The following ABCA13 variants were observed in gnomAD, a reference collection of about 807,000 sequenced individuals.
The protein encoded by ABCA13 is ATP binding cassette subfamily A member 13, also known as ATP-binding cassette sub-family A member 13.
ABCA13 carries 476 observed loss-of-function variants against 478.7 expected under a neutral mutation model. The observed-to-expected ratio is 0.99, with a 90% confidence interval of 0.92 to 1.07. The LOEUF is 1.07. Ranked by LOEUF, ABCA13 falls within the 50% of genes least tolerant of loss-of-function variation. The probability of loss-of-function intolerance (pLI) is 0.00; values close to 1 mark genes in which losing one functional copy is unlikely to be tolerated. For missense variants in ABCA13, 6,060 were observed against 5,910.6 expected, an observed-to-expected ratio of 1.03 and a Z score of -0.83; for synonymous variants, 2,252 against 2,158.9, an observed-to-expected ratio of 1.04 and a Z score of -1.20.
intron 55 of ABCA13, among the ~76,000 whole-genome samples, chr7:48,560,235 A>C (rs1347860884): frequency 6.6e-6 from 1 of 152,144 alleles, no homozygotes; most frequent in Non-Finnish European, 1.5e-5. Flanking sequence ...GGCTGGTCCA[A>C]ATGCTACCTC....
intron 58 of ABCA13, chr7:48,603,827 T>C (rs540689590): frequency 1.3e-5 from 2 of 152,468 alleles, no homozygotes; most frequent in African/African-American, 4.8e-5. Context: ...TTTGTACCTC[T>C]AGTAGAATTT....
intron 55 of ABCA13, among the ~76,000 whole-genome samples, chr7:48,551,603 C>A (rs1047383185): frequency 2.3e-5 from 3 of 129,948 alleles, no homozygotes; most frequent in African/African-American, 9.3e-5. Flanking sequence ...CAAATAAATT[C>A]GTATGTATTG....
chr7:48,305,075 T>C (rs1262939611), intron 23 of ABCA13, among the ~76,000 whole-genome samples: 1 of 152,260 alleles, frequency 6.6e-6, no homozygotes, highest in South Asian at 2.1e-4. Flanking sequence ...ACTGATAGGC[T>C]TCTTAGTAGT....
At chr7:48,607,445 C>T (rs960456613) in intron 58 of ABCA13, among the ~76,000 whole-genome samples, 3 of 152,118 alleles carry the variant, frequency 2.0e-5, no homozygotes, top group Admixed American at 6.5e-5. Flanking sequence ...CCACCTTCTG[C>T]GTCGATCTCT....
chr7:48,356,336 C>G (rs1039510794), intron 31 of ABCA13, among the ~76,000 whole-genome samples: 2 of 150,868 alleles, frequency 1.3e-5, no homozygotes, highest in African/African-American at 4.9e-5. Flanking sequence ...TCAGACAGCT[C>G]TCAATGGGAA....
chr7:48,182,671 G>A (rs1795846832), intron 1 of ABCA13, among the ~76,000 whole-genome samples: 1 of 152,162 alleles, frequency 6.6e-6, no homozygotes, highest in Admixed American at 6.5e-5. Context: ...CAAAAAAAGA[G>A]AGAAGGGAGA....
intron 48 of ABCA13, among the ~76,000 whole-genome samples, chr7:48,490,446 G>A (rs1829739316): frequency 6.6e-6 from 1 of 152,142 alleles, no homozygotes; most frequent in Admixed American, 6.6e-5. Context: ...GGTAATAATG[G>A]GGCCATGACT....
Position 48,275,763 on chromosome 7 carries a change from A to G in ABCA13, c.6097A>G (p.Asn2033Asp), listed in dbSNP as rs17661364. Residue 2033 changes from asparagine (N) to aspartate (D), a missense_variant, in exon 17 of 62, where the codon AAT (asparagine) becomes GAT (aspartate). Asn to Asp is a conservative substitution (Grantham distance 23). Around this residue, in one of 3 missense-constraint regions of ABCA13, gnomAD observed 4,423 missense variants for 4,309.1 expected, o/e 1.03. Transcript: ENST00000435803. ...TTTATTCATGATGCTCCAGAATGCA[A>G]ATGTCACAGGTAGCAGTTTAGAAGC... ...LSLFMMLQNANVTGSSLEALS... is the reference protein window; with the variant it reads ...LSLFMMLQNADVTGSSLEALS... 52,055 of 1,610,608 alleles carry G rather than the reference A, an allele frequency of 0.032. 1,165 individuals are homozygous for G. The highest frequency in any genetic ancestry group is 0.088 in the Admixed American group (5,206 of 59,406).
intron 58 of ABCA13, among the ~76,000 whole-genome samples, chr7:48,606,285 G>T (rs1002878947): frequency 6.6e-6 from 1 of 152,178 alleles, no homozygotes; most frequent in Non-Finnish European, 1.5e-5. Context: ...CTTTGGAGGA[G>T]AAGAGGTGTT....
chr7:48,538,390 C>T (rs938384830), intron 55 of ABCA13, among the ~76,000 whole-genome samples: 25 of 151,868 alleles, frequency 1.6e-4, no homozygotes, highest in Non-Finnish European at 2.8e-4. Context: ...TGTGAGCCAT[C>T]GCGCCCAGCC....
rs548323356 is a variant in ABCA13, at chr7:48,296,925, C to G, written c.9120-307C>G. ...TGGCTATCCTAATTTCTCGTACGTT[C>G]CATGATCTATCCTATCTATTCTCTT... On this transcript the variant is annotated intron_variant, in intron 21 of 61. Coordinates refer to ENST00000435803, the MANE Select transcript of ABCA13 (RefSeq NM_152701.5). Among the ~76,000 whole-genome samples, 103 of 152,206 alleles carry G rather than the reference C, an allele frequency of 6.8e-4. 1 individual carries two copies. The highest frequency in any genetic ancestry group is 1.4e-3 in the Non-Finnish European group (92 of 68,036).
intron 39 of ABCA13, among the ~76,000 whole-genome samples, chr7:48,408,031 A>C (rs1487830567): frequency 2.6e-5 from 4 of 152,156 alleles, no homozygotes; most frequent in Non-Finnish European, 5.9e-5. Flanking sequence ...GAATGATTAA[A>C]TCAAGCTAAT....
At chr7:48,309,802 T>C in intron 23 of ABCA13, 145 bp from the exon 24 acceptor site, 1 of 760,468 alleles carries the variant, frequency 1.3e-6, no homozygotes, top group Non-Finnish European at 2.1e-6. Context: ...GAACCCCAGT[T>C]TGGGCTCCCC....
At chr7:48,427,745 G>A (rs756021060) in intron 41 of ABCA13, 21 bp from the exon 42 acceptor site, 5 of 1,491,886 alleles carry the variant, frequency 3.4e-6, no homozygotes, top group Non-Finnish European at 1.9e-6. Context: ...ATAATACATG[G>A]CGTTTTTTTT....
intron 31 of ABCA13, among the ~76,000 whole-genome samples, chr7:48,365,301 A>G (rs1811501710): frequency 6.6e-6 from 1 of 152,044 alleles, no homozygotes; most frequent in Non-Finnish European, 1.5e-5. Flanking sequence ...AGTTTCTTGT[A>G]TATTCAGGCT....
At chr7:48,479,936 G>A (rs1270126569) in intron 45 of ABCA13, among the ~76,000 whole-genome samples, 1 of 152,162 alleles carries the variant, frequency 6.6e-6, no homozygotes, top group Admixed American at 6.5e-5. Flanking sequence ...AAGCAGACAA[G>A]CTTCCAAAGC....
chr7:48,277,133 C>A (rs1368031123), intron 17 of ABCA13, among the ~76,000 whole-genome samples: 1 of 152,180 alleles, frequency 6.6e-6, no homozygotes, highest in East Asian at 1.9e-4. Context: ...TAACAAAAAT[C>A]ATCAAAGGAT....
At chr7:48,401,618 A>G (rs767655132) in intron 38 of ABCA13, among the ~76,000 whole-genome samples, 1 of 152,270 alleles carries the variant, frequency 6.6e-6, no homozygotes, top group Middle Eastern at 3.4e-3. Flanking sequence ...ACCAGCACCT[A>G]TGATGCTATA....
Position 48,403,787 on chromosome 7 carries a change from T to G in ABCA13, c.11978T>G (p.Met3993Arg), listed in dbSNP as rs772919016. ...KLSLGIAFMG[M>R]SRTVVLDEPT... ...TCCCTTGGCATTGCTTTCATGGGCA[T>G]GTCGAGGACCGTGGTTCTGGATGAG... is the stretch of plus-strand genomic sequence containing the variant. Residue 3993 changes from methionine to arginine, a missense_variant, in exon 39 of 62, where the codon ATG (methionine) becomes AGG (arginine). Physicochemically the swap from Met to Arg is moderately conservative, Grantham distance 91. This residue lies in a region of ABCA13 where 1,627 missense variants were observed against 1,571.0 expected (regional missense o/e 1.04). Transcript: ENST00000435803. 6.2e-7 allele frequency: 1 copy of G among 1,614,024 alleles called. No homozygotes were observed. The highest frequency in any genetic ancestry group is 1.1e-5 in the South Asian group (1 of 91,078).
Sources: allele counts gnomAD v4.1 joint callset (sites outside exome capture counted in the v4.1 genomes callset), GRCh38; gene constraint gnomAD v4.1.1; regional missense constraint gnomAD v4.1.1; transcripts MANE v1.5; gene names NCBI Gene and HGNC (gene_info 2026-07-23, HGNC 2026-07-21).